NPAS3: variants seen among roughly 807,000 people sequenced by gnomAD.
NPAS3 encodes the protein neuronal PAS domain protein 3.
Under a neutral mutation model 73.1 loss-of-function variants are expected in NPAS3, and 14 were observed. The observed-to-expected ratio is 0.19, with a 90% confidence interval of 0.13 to 0.30. NPAS3 has a LOEUF of 0.30. NPAS3 is among the 10% of genes least tolerant of loss of function. NPAS3 has a pLI of 1.00. For synonymous variants in NPAS3, 620 were observed against 541.5 expected (o/e 1.14, Z -2.01); for missense variants, 1,096 against 1,250.0 (o/e 0.88, Z 1.86).
At chr14:33,188,979 T>C (rs2046075683) in intron 2 of NPAS3, among the ~76,000 whole-genome samples, 1 of 152,214 alleles carries the variant, frequency 6.6e-6, no homozygotes, top group Non-Finnish European at 1.5e-5. Flanking sequence ...TAGCCTTTAT[T>C]TGCTTGCCTT....
At chr14:32,959,976 ATTTTT>A (rs61262665) in intron 1 of NPAS3, among the ~76,000 whole-genome samples, 3 of 131,336 alleles carry the variant, frequency 2.3e-5, no homozygotes, top group Non-Finnish European at 1.6e-5. Flanking sequence ...GTGAGTTTCA[ATTTTT>A]TTTTTTTTTT....
chr14:33,762,911 T>C (rs1297453634), intron 7 of NPAS3, among the ~76,000 whole-genome samples: 1 of 152,152 alleles, frequency 6.6e-6, no homozygotes, highest in Non-Finnish European at 1.5e-5. Flanking sequence ...TTTGATCGAA[T>C]CATTTATATA....
intron 1 of NPAS3, among the ~76,000 whole-genome samples, chr14:32,971,850 T>C (rs1369058689): frequency 6.6e-6 from 1 of 152,134 alleles, no homozygotes; most frequent in Non-Finnish European, 1.5e-5. Context: ...AATATTTTAA[T>C]CTGGTAAACA....
intron 2 of NPAS3, among the ~76,000 whole-genome samples, chr14:33,130,818 T>G (rs1328657185): frequency 3.3e-5 from 5 of 152,278 alleles, no homozygotes; most frequent in African/African-American, 1.2e-4. Context: ...TAAACATCAT[T>G]CTTCACATCC....
intron 7 of NPAS3, among the ~76,000 whole-genome samples, chr14:33,748,847 C>T (rs542377368): frequency 2.6e-5 from 4 of 152,272 alleles, no homozygotes; most frequent in South Asian, 2.1e-4. Context: ...GATTGGCCTT[C>T]CCAGGAACAG....
intron 4 of NPAS3, among the ~76,000 whole-genome samples, chr14:33,395,361 A>G (rs1191811033): frequency 6.6e-6 from 1 of 152,040 alleles, no homozygotes; most frequent in Non-Finnish European, 1.5e-5. Flanking sequence ...TTTATCCAGA[A>G]TGAACCATTA....
intron 3 of NPAS3, among the ~76,000 whole-genome samples, chr14:33,276,061 A>T (rs1436861884): frequency 1.3e-5 from 2 of 152,114 alleles, no homozygotes; most frequent in African/African-American, 4.8e-5. Context: ...TTCTGTTCTG[A>T]GATGAACTGT....
chr14:32,952,553 C>A (rs1037706358), intron 1 of NPAS3, among the ~76,000 whole-genome samples: 3 of 151,912 alleles, frequency 2.0e-5, no homozygotes, highest in African/African-American at 7.3e-5. Flanking sequence ...CTTTGAAGTA[C>A]CTCCCCTGGA....
At chr14:33,143,727 C>T (rs1296837285) in intron 2 of NPAS3, among the ~76,000 whole-genome samples, 1 of 152,090 alleles carries the variant, frequency 6.6e-6, no homozygotes, top group Non-Finnish European at 1.5e-5. Flanking sequence ...TTCCTATTTC[C>T]CCTGCCCCAC....
Position 33,513,079 on chromosome 14 carries a change from G to A in NPAS3, c.469-47042G>A, listed in dbSNP as rs1016724235. ...TAGCATAACTGTTTTTGTCATTGGT[G>A]GATGACAGAACTTTAAAAAGGAGAC... On this transcript the variant is annotated intron_variant, in intron 4 of 11. Coordinates refer to ENST00000356141, the Ensembl canonical transcript of NPAS3. Among the ~76,000 whole-genome samples, 4 of 151,982 alleles carry A rather than the reference G, an allele frequency of 2.6e-5. No individual in the cohort carries two copies. In the East Asian group the frequency reaches 5.8e-4, roughly 22 times the overall value.
intron 9 of NPAS3, among the ~76,000 whole-genome samples, chr14:33,788,819 G>A (rs78931921): frequency 2.0e-5 from 3 of 152,220 alleles, no homozygotes; most frequent in East Asian, 3.9e-4. Context: ...TGTGTGCAGG[G>A]CCACGGATGT....
intron 3 of NPAS3, among the ~76,000 whole-genome samples, chr14:33,250,343 A>G (rs1377470769): frequency 6.6e-6 from 1 of 152,122 alleles, no homozygotes; most frequent in African/African-American, 2.4e-5. Flanking sequence ...AAGGAAAAAG[A>G]GGATTTATCT....
intron 9 of NPAS3, among the ~76,000 whole-genome samples, chr14:33,787,371 A>G (rs532452404): frequency 1.3e-5 from 2 of 152,326 alleles, no homozygotes; most frequent in Admixed American, 1.3e-4. Flanking sequence ...ACAGTCAATA[A>G]AAATCTATCA....
At chr14:33,191,684 A>C (rs1213909218) in intron 2 of NPAS3, among the ~76,000 whole-genome samples, 1 of 152,218 alleles carries the variant, frequency 6.6e-6, no homozygotes, top group African/African-American at 2.4e-5. Flanking sequence ...CATAAAGCAG[A>C]ATTTGGCTCT....
chr14:32,984,835 C>T (rs916190122), intron 1 of NPAS3, among the ~76,000 whole-genome samples: 3 of 152,086 alleles, frequency 2.0e-5, no homozygotes, highest in Admixed American at 6.6e-5. Context: ...TTTGCCCTGT[C>T]TTCTAAAAGA....
chr14:33,725,867 C>T (rs1356511399), intron 6 of NPAS3, among the ~76,000 whole-genome samples: 1 of 152,144 alleles, frequency 6.6e-6, no homozygotes, highest in Non-Finnish European at 1.5e-5. Context: ...GTCCTTCTTC[C>T]ACTTCCTTTA....
intron 5 of NPAS3, among the ~76,000 whole-genome samples, chr14:33,647,727 C>G (rs919477643): frequency 3.3e-5 from 5 of 152,076 alleles, no homozygotes; most frequent in Non-Finnish European, 7.4e-5. Context: ...GTGACTCAGT[C>G]CTGAATCACA....
intron 3 of NPAS3, among the ~76,000 whole-genome samples, chr14:33,342,856 G>C (rs1380464281): frequency 2.6e-5 from 4 of 152,030 alleles, no homozygotes; most frequent in African/African-American, 9.7e-5. Flanking sequence ...CCTGCCCACA[G>C]AGATAGTGAT....
intron 3 of NPAS3, among the ~76,000 whole-genome samples, chr14:33,251,799 A>G (rs1349998451): frequency 1.3e-5 from 2 of 152,140 alleles, no homozygotes; most frequent in African/African-American, 4.8e-5. Context: ...ACATGGAATC[A>G]CAGTTCTGTG....
Sources: allele counts gnomAD v4.1 joint callset (sites outside exome capture counted in the v4.1 genomes callset), GRCh38; gene constraint gnomAD v4.1.1; transcripts MANE v1.5; gene names NCBI Gene and HGNC (gene_info 2026-07-23, HGNC 2026-07-21).